Variants in ERCC6 observed in about 807,000 individuals in gnomAD.
The protein encoded by ERCC6 is ERCC excision repair 6, chromatin remodeling factor.
A neutral mutation model predicts 158.7 loss-of-function variants in ERCC6; 116 were observed. That is an observed-to-expected ratio of 0.73 (90% confidence interval 0.63 to 0.85). The LOEUF is 0.85. ERCC6 is among the 40% of genes least tolerant of loss of function. ERCC6 has a pLI of 0.00. For synonymous variants in ERCC6, 678 were observed against 659.3 expected, an observed-to-expected ratio of 1.03 and a Z score of -0.43; for missense variants, 1,698 against 1,799.4, an observed-to-expected ratio of 0.94 and a Z score of 1.02.
chr10:49,444,769 G>C, the ERCC6 span, among the ~76,000 whole-genome samples: 3,182 of 152,270 alleles, frequency 0.021, 110 homozygotes, highest in African/African-American at 0.072. Context: ...AAAAGGTGGA[G>C]TATTTCCCAA....
chr10:49,475,300 T>C (rs1850856840), intron 12 of ERCC6: 1 of 354,858 alleles, frequency 2.8e-6, no homozygotes, highest in African/African-American at 2.1e-5. Flanking sequence ...ATATATGAAA[T>C]AAAATATATA....
At chr10:49,474,545 G>A (rs972894663) in intron 12 of ERCC6, among the ~76,000 whole-genome samples, 1 of 152,000 alleles carries the variant, frequency 6.6e-6, no homozygotes, top group Non-Finnish European at 1.5e-5. Context: ...TGCAGTTCAC[G>A]GTATTATAAA....
At chr10:49,470,934 G>C in intron 17 of ERCC6, 41 bp downstream of exon 17, 1 of 1,613,532 alleles carries the variant, frequency 6.2e-7, no homozygotes, top group Non-Finnish European at 8.5e-7. Context: ...GTATCATCTT[G>C]TGCAATTGAT....
In ERCC6 at chr10:49,455,680, A is replaced by T. The variant is rs778388707; in HGVS notation, c.*3135T>A. The stretch of plus-strand genomic sequence containing the variant: ...CCTTTTTGTTTTTGTTTAGGGGAGC[A>T]ATCCTAAAAGATAAACAACCCACAG... On this transcript the variant is annotated 3_prime_UTR_variant, in exon 21 of 21. Coordinates refer to ENST00000355832, the MANE Select transcript of ERCC6 (RefSeq NM_000124.4). The T allele has an allele frequency of 2.0e-5, 3 of 152,252 alleles. No homozygotes were observed. Among genetic ancestry groups the T allele is most frequent in the Non-Finnish European group, 4.4e-5 (3 of 68,038 alleles). 9.4% of individuals were successfully genotyped at this position (152,252 alleles called of 1,614,324 possible).
intron 5 of ERCC6, chr10:49,515,165 A>T: frequency 7.6e-7 from 1 of 1,314,198 alleles, no homozygotes; most frequent in African/African-American, 1.5e-5. Flanking sequence ...TGAAATTCAT[A>T]TATGTTACCT....
At chr10:49,514,307 T>G (rs1248534153) in intron 5 of ERCC6, among the ~76,000 whole-genome samples, 1 of 152,220 alleles carries the variant, frequency 6.6e-6, no homozygotes, top group Non-Finnish European at 1.5e-5. Flanking sequence ...TTCTTTGAAC[T>G]ATACATAATA....
chr10:49,532,947 G>A lies in ERCC6; in HGVS notation c.18C>T (p.Ile6=), dbSNP rs577145652. 6.8e-6 allele frequency: 11 copies of A among 1,614,194 alleles called. No individual in the cohort carries two copies. Among genetic ancestry groups the A allele is most frequent in the South Asian group, 1.1e-5 (1 of 91,080 alleles). The change falls in exon 2 of 21, where the codon ATC becomes ATT. Residue 6 remains isoleucine (I), a synonymous_variant. Coordinates refer to ENST00000355832, the MANE Select transcript of ERCC6 (RefSeq NM_000124.4). MPNEG[I]PHSSQTQEQD... ...GCTCCTGAGTTTGACTTGAGTGGGG[G>A]ATTCCCTCATTTGGCATTCTCTACA...
chr10:49,455,836 G>A lies in ERCC6; in HGVS notation c.*2979C>T, dbSNP rs1025638504. On this transcript the variant is annotated 3_prime_UTR_variant, in exon 21 of 21. Coordinates refer to ENST00000355832, the MANE Select transcript of ERCC6 (RefSeq NM_000124.4). The stretch of plus-strand genomic sequence containing the variant: ...GTGAAAACAAGGTACTTTCAATCAC[G>A]AGACTGGTTAAAACAAAACAAAACA... 8 of 152,140 alleles carry A rather than the reference G, an allele frequency of 5.3e-5. No individual in the cohort carries two copies. The highest frequency in any genetic ancestry group is 1.2e-4 in the African/African-American group (5 of 41,418). The allele number at this position is 152,140 out of a possible 1,614,324, so 9.4% of individuals were successfully genotyped here.
At chr10:49,529,952 G>A (rs1346195588) in intron 3 of ERCC6, among the ~76,000 whole-genome samples, 1 of 152,064 alleles carries the variant, frequency 6.6e-6, no homozygotes. Context: ...GTTTTCCAAA[G>A]CTAAGTACAA....
intron 10 of ERCC6, 103 bp from the exon 11 acceptor site, chr10:49,478,573 ACC>A: frequency 2.5e-6 from 2 of 790,384 alleles, no homozygotes; most frequent in Non-Finnish European, 4.4e-6. Context: ...AAAAAGAATA[ACC>A]AACAGCTGTA....
intron 18 of ERCC6, among the ~76,000 whole-genome samples, chr10:49,462,498 T>A (rs568411179): frequency 0.014 from 2,168 of 150,954 alleles, 23 homozygotes; most frequent in Non-Finnish European, 0.021. Flanking sequence ...ACAATTTTTT[T>A]AAAAAAAAAC....
chr10:49,450,624 T>A (rs1387388804), downstream of ERCC6, among the ~76,000 whole-genome samples: 1 of 152,208 alleles, frequency 6.6e-6, no homozygotes, highest in Non-Finnish European at 1.5e-5. Flanking sequence ...ACTCTTCTGA[T>A]CCATGAACAT....
At chr10:49,508,022 C>T (rs1564432952) in intron 5 of ERCC6, among the ~76,000 whole-genome samples, 2 of 151,836 alleles carry the variant, frequency 1.3e-5, no homozygotes, top group Admixed American at 6.6e-5. Flanking sequence ...TGAAATTCAG[C>T]AGTCGAGGAG....
rs1850473689 is a variant in ERCC6 at position 49,455,724 on chromosome 10, A to C, written c.*3091T>G. ...CCCACAGGAAAACTAGGCCAACATA[A>C]CACTAATAGGCAATGTACGGTAGAG... On this transcript the variant is annotated 3_prime_UTR_variant, in exon 21 of 21. Transcript: ENST00000355832. 1 of 152,022 alleles carries C rather than the reference A, an allele frequency of 6.6e-6. No individual in the cohort carries two copies. The highest frequency in any genetic ancestry group is 1.5e-5 in the Non-Finnish European group (1 of 67,988). The allele number at this position is 152,022 out of a possible 1,614,324, so 9.4% of individuals were successfully genotyped here.
intron 3 of ERCC6, among the ~76,000 whole-genome samples, chr10:49,529,987 G>T (rs1837431308): frequency 6.6e-6 from 1 of 152,088 alleles, no homozygotes; most frequent in Admixed American, 6.5e-5. Context: ...GGTGCTGACT[G>T]TAACACCCAA....
chr10:49,524,948 A>T, intron 4 of ERCC6, 171 bp from the exon 5 acceptor site: 1 of 1,442,250 alleles, frequency 6.9e-7, no homozygotes, highest in Middle Eastern at 2.3e-4. Flanking sequence ...AAATTATAGC[A>T]TCATGCTATA....
rs1489060339 is a variant in ERCC6, at chr10:49,457,933, T to A, written c.*882A>T. ...AAGGCAGGCGCAAGACGAAGGCAAC[T>A]GGAGAGAAGACAGCCTGCCAGCCTG... On this transcript the variant is annotated 3_prime_UTR_variant, in exon 21 of 21. Transcript: ENST00000355832. The A allele has an allele frequency of 6.6e-6, 1 of 152,198 alleles. No individual in the cohort carries two copies. The highest frequency in any genetic ancestry group is 1.5e-5 in the Non-Finnish European group (1 of 68,058). 9.4% of individuals were successfully genotyped at this position (152,198 alleles called of 1,614,324 possible).
intron 8 of ERCC6, among the ~76,000 whole-genome samples, chr10:49,492,452 C>T (rs150316892): frequency 6.6e-6 from 1 of 152,162 alleles, no homozygotes; most frequent in African/African-American, 2.4e-5. Context: ...AAAAATGAAT[C>T]AGACACAGTC....
rs577658979 is a variant in ERCC6 at position 49,475,053 on chromosome 10, A to C, written c.2383-811T>G. ...TAAATGATCTGAATAAGTCAGGAACATTGGTAAACCTCCCCAGAGTCATCC... is the reference window on the plus strand; with the variant it reads ...TAAATGATCTGAATAAGTCAGGAACCTTGGTAAACCTCCCCAGAGTCATCC... On this transcript the variant is annotated intron_variant, in intron 12 of 20. Coordinates refer to ENST00000355832, the MANE Select transcript of ERCC6 (RefSeq NM_000124.4). Among the ~76,000 whole-genome samples the C allele has an allele frequency of 5.9e-5, 9 of 152,324 alleles. 1 individual carries two copies. The South Asian group carries it at 1.9e-3, about 32-fold the overall frequency.
Sources: gnomAD v4.1 joint callset for allele counts (sites outside exome capture counted in the v4.1 genomes callset) on GRCh38, gnomAD v4.1.1 for gene constraint, MANE v1.5 for transcripts, NCBI Gene and HGNC (gene_info 2026-07-23, HGNC 2026-07-21) for gene names.